The following PLEKHA7 variants were observed in gnomAD, a reference collection of about 807,000 sequenced individuals.
The protein encoded by PLEKHA7 is pleckstrin homology domain-containing family A member 7.
Under a neutral mutation model 170.0 loss-of-function variants are expected in PLEKHA7, and 104 were observed. The ratio of observed to expected loss-of-function variants is 0.61; its 90% CI spans 0.52 to 0.72. The LOEUF is 0.72. PLEKHA7 is among the 30% of genes least tolerant of loss of function. PLEKHA7 has a pLI of 0.00. For missense variants in PLEKHA7, 1,615 were observed against 1,671.7 expected (o/e 0.97, Z 0.59); for synonymous variants, 648 against 660.8 (o/e 0.98, Z 0.30).
intron 3 of PLEKHA7, among the ~76,000 whole-genome samples, chr11:16,936,310 G>A (rs953842826): frequency 4.2e-5 from 6 of 143,432 alleles, no homozygotes; most frequent in Non-Finnish European, 9.0e-5. Flanking sequence ...GCTGAGGCAG[G>A]AGAATTGCTT....
chr11:16,818,508 T>C (rs1849950060), intron 10 of PLEKHA7, among the ~76,000 whole-genome samples: 1 of 152,228 alleles, frequency 6.6e-6, no homozygotes, highest in South Asian at 2.1e-4. Flanking sequence ...GGACCTTCTG[T>C]AGTGCCACAG....
chr11:16,926,414 G>A (rs1364373908), intron 3 of PLEKHA7, among the ~76,000 whole-genome samples: 1 of 152,144 alleles, frequency 6.6e-6, no homozygotes, highest in Non-Finnish European at 1.5e-5. Flanking sequence ...ATTAGCACCC[G>A]TCCAAATATT....
intron 3 of PLEKHA7, among the ~76,000 whole-genome samples, chr11:16,895,342 T>A (rs549689549): frequency 2.0e-4 from 30 of 152,270 alleles, no homozygotes; most frequent in African/African-American, 6.7e-4. Context: ...AACTCCTACC[T>A]CTGAAGAAGG....
In PLEKHA7 at chr11:16,791,131, C is replaced by T; in HGVS notation, c.2814G>A (p.Val938=). 6.2e-7 allele frequency: 1 copy of T among 1,613,988 alleles called. No individual in the cohort carries two copies. The highest frequency in any genetic ancestry group is 8.5e-7 in the Non-Finnish European group (1 of 1,179,948). The change falls in exon 20 of 27, where the codon GTG becomes GTA. Residue 938 remains valine (V), a synonymous_variant. Transcript: ENST00000531066. The surrounding 1 kb of genome is among the most constrained non-coding windows in gnomAD (Gnocchi z 4.5). The stretch of plus-strand genomic sequence containing the variant: ...TGGTGGCCTCTCTTGGCAGAGGCGG[C>T]ACAGCCGGGGGCTGGTCCTCTGGGC... The part of the protein sequence containing the change: ...LYSPEDQPPA[V]PPLPREATII...
chr11:16,828,377 C>A (rs1399996389), intron 9 of PLEKHA7, among the ~76,000 whole-genome samples: 3 of 152,126 alleles, frequency 2.0e-5, no homozygotes, highest in Non-Finnish European at 4.4e-5. Flanking sequence ...GTTTGCTTTC[C>A]CTTCCACCAT....
At chr11:16,816,139 G>T in intron 12 of PLEKHA7, 39 bp downstream of exon 12, 1 of 1,519,598 alleles carries the variant, frequency 6.6e-7, no homozygotes, top group Non-Finnish European at 9.1e-7. Context: ...ATGTTGATGA[G>T]ATAGGGCTTT....
chr11:16,945,713 G>A (rs1045411300), intron 3 of PLEKHA7, among the ~76,000 whole-genome samples: 19 of 152,212 alleles, frequency 1.2e-4, no homozygotes, highest in African/African-American at 3.9e-4. Context: ...GGGGACATGA[G>A]GGGAAGGGAG....
Position 16,789,632 on chromosome 11 carries a change from G to A in PLEKHA7, c.3156+143C>T. The A allele has an allele frequency of 2.9e-6, 2 of 692,864 alleles. No homozygotes were observed. The highest frequency in any genetic ancestry group is 4.8e-6 in the Non-Finnish European group (2 of 415,944). The allele number at this position is 692,864 out of a possible 1,614,324, so 42.9% of individuals were successfully genotyped here. A position where few individuals can be genotyped will look rare whatever the true frequency, so the allele number is the denominator to read the frequency against. ...GGATGCCCTCCTTGGTGGACAGTGGGTGACAGGGAGCTCAGGAGGGGCTGA... is the reference window on the plus strand; with the variant it reads ...GGATGCCCTCCTTGGTGGACAGTGGATGACAGGGAGCTCAGGAGGGGCTGA... On this transcript the variant is annotated intron_variant, in intron 22 of 26. Coordinates refer to ENST00000531066, the MANE Select transcript of PLEKHA7 (RefSeq NM_001329630.2). The surrounding 1 kb of genome is among the most constrained non-coding windows in gnomAD (Gnocchi z 4.6).
intron 4 of PLEKHA7, among the ~76,000 whole-genome samples, chr11:16,862,948 A>AT (rs1854087951): frequency 1.2e-5 from 1 of 82,832 alleles, no homozygotes; most frequent in Admixed American, 1.2e-4. Flanking sequence ...GGTGCTGGCT[A>AT]TGTCAGCTGC....
chr11:16,957,303 T>C (rs1861757943), intron 3 of PLEKHA7, among the ~76,000 whole-genome samples: 1 of 152,224 alleles, frequency 6.6e-6, no homozygotes, highest in African/African-American at 2.4e-5. Context: ...AAACAAGGAA[T>C]TGGTTAGAAA....
At chr11:16,904,778 T>C (rs1265000283) in intron 3 of PLEKHA7, among the ~76,000 whole-genome samples, 1 of 152,234 alleles carries the variant, frequency 6.6e-6, no homozygotes, top group African/African-American at 2.4e-5. Flanking sequence ...TATATTGCTT[T>C]CAAATTTTAA....
chr11:16,955,430 T>A (rs1861640832), intron 3 of PLEKHA7, among the ~76,000 whole-genome samples: 1 of 152,240 alleles, frequency 6.6e-6, no homozygotes, highest in South Asian at 2.1e-4. Flanking sequence ...TACTTACCTG[T>A]TTGTCCCACT....
intron 3 of PLEKHA7, among the ~76,000 whole-genome samples, chr11:16,912,516 A>G (rs1370958792): frequency 4.6e-5 from 7 of 152,344 alleles, no homozygotes; most frequent in African/African-American, 1.4e-4. Context: ...TGAGTGCCCA[A>G]AACCACTGGG....
In PLEKHA7 at chr11:16,789,440, T is replaced by A; in HGVS notation, c.3157-144A>T. On this transcript the variant is annotated intron_variant, in intron 22 of 26. Coordinates refer to ENST00000531066, the MANE Select transcript of PLEKHA7 (RefSeq NM_001329630.2). This position sits in a 1 kb window ranked among gnomAD's most constrained non-coding sequence, Gnocchi z 4.6. ...TGGGCTCCTCTTGGCCTTAGAGAAC[T>A]ATTTCCTCTAAGCAACACGATGCCC... The A allele has an allele frequency of 1.3e-6, 1 of 757,884 alleles. No individual in the cohort carries two copies. Among genetic ancestry groups the A allele is most frequent in the Non-Finnish European group, 2.1e-6 (1 of 465,874 alleles). The allele number at this position is 757,884 out of a possible 1,614,324, so 46.9% of individuals were successfully genotyped here.
chr11:17,010,136 C>T (rs1345512791), intron 3 of PLEKHA7, among the ~76,000 whole-genome samples: 2 of 152,060 alleles, frequency 1.3e-5, no homozygotes, highest in African/African-American at 2.4e-5. Flanking sequence ...GCCTGTAATC[C>T]GAGCACTTTG....
rs1590813181 is a variant in PLEKHA7 at position 16,996,354 on chromosome 11, C to T, written c.221+17635G>A. 2.0e-5 allele frequency among the ~76,000 whole-genome samples: 3 copies of T among 152,154 alleles called. No individual in the cohort carries two copies. The South Asian group carries it at 6.2e-4, about 31-fold the overall frequency. On this transcript the variant is annotated intron_variant, in intron 3 of 26. Transcript: ENST00000531066. ...GGGAGGCCAAGTCTGGTCAAAGGCC[C>T]TCAACATGGAGACAGTAGACTCTCA...
chr11:16,983,145 T>C (rs1292854435), intron 3 of PLEKHA7, among the ~76,000 whole-genome samples: 2 of 152,150 alleles, frequency 1.3e-5, no homozygotes, highest in Non-Finnish European at 2.9e-5. Context: ...GAGAGGACTA[T>C]AACTGACTCA....
intron 3 of PLEKHA7, among the ~76,000 whole-genome samples, chr11:16,987,010 G>A (rs997299502): frequency 6.6e-6 from 1 of 152,148 alleles, no homozygotes; most frequent in Non-Finnish European, 1.5e-5. Context: ...CCCAGCCCAG[G>A]GAAGGCGGAG....
chr11:16,903,010 G>A (rs1857435161), intron 3 of PLEKHA7, among the ~76,000 whole-genome samples: 1 of 152,168 alleles, frequency 6.6e-6, no homozygotes, highest in Non-Finnish European at 1.5e-5. Context: ...GCTCAAAAGA[G>A]TTGAATTAAA....
Sources: allele counts gnomAD v4.1 joint callset (sites outside exome capture counted in the v4.1 genomes callset), GRCh38; gene constraint gnomAD v4.1.1; non-coding constraint Gnocchi (gnomAD v3.1); transcripts MANE v1.5; gene names NCBI Gene and HGNC (gene_info 2026-07-23, HGNC 2026-07-21).